The following FAM184A variants were observed in gnomAD, a reference collection of about 807,000 sequenced individuals.
FAM184A encodes protein FAM184A.
A neutral mutation model predicts 143.8 loss-of-function variants in FAM184A; 99 were observed. The observed-to-expected ratio is 0.69, with a 90% CI of 0.58 to 0.81. The LOEUF (loss-of-function observed/expected upper bound fraction) is 0.81, where lower values mean the gene tolerates loss of function less well. FAM184A is among the 40% of genes least tolerant of loss of function. The pLI is 0.00. For synonymous variants in FAM184A, 427 were observed against 446.4 expected (o/e 0.96, Z 0.55); for missense variants, 1,217 against 1,310.5 (o/e 0.93, Z 1.10).
intron 5 of FAM184A, among the ~76,000 whole-genome samples, chr6:119,012,546 C>T (rs1243280676): frequency 1.3e-5 from 2 of 152,222 alleles, no homozygotes; most frequent in Non-Finnish European, 2.9e-5. Flanking sequence ...ATACCTCCAG[C>T]AACCTGTGAC....
chr6:119,018,154 G>A (rs1785326236), intron 4 of FAM184A, among the ~76,000 whole-genome samples: 1 of 152,176 alleles, frequency 6.6e-6, no homozygotes, highest in South Asian at 2.1e-4. Flanking sequence ...TATATTAGAA[G>A]GATGCCTAAC....
intron 15 of FAM184A, 67 bp downstream of exon 15, chr6:118,966,768 T>C: frequency 4.3e-6 from 3 of 694,616 alleles, no homozygotes; most frequent in Non-Finnish European, 7.5e-6. Context: ...AAAAAGATTG[T>C]CCCATATTTT....
chr6:119,061,531 C>CCTTTT (rs1787243876), intron 1 of FAM184A, among the ~76,000 whole-genome samples: 2 of 58,530 alleles, frequency 3.4e-5, no homozygotes, highest in African/African-American at 1.5e-4. Flanking sequence ...AATTATTTTT[C>CCTTTT]TTTTTTTTTT....
At chr6:119,058,988 CTTATT>C (rs775242606) in intron 1 of FAM184A, among the ~76,000 whole-genome samples, 24 of 150,852 alleles carry the variant, frequency 1.6e-4, no homozygotes, top group Middle Eastern at 3.2e-3. Flanking sequence ...TATATTTTAT[CTTATT>C]TTGAGACAAG....
At position 118,960,137 on chromosome 6, in the gene FAM184A, C is replaced by T. The variant is rs1037553870; in HGVS notation, c.3389G>A (p.Arg1130His). ...GAAGTACCGGGCAAACCACTCCTGGCGCTGGGGATCTGGAGAAGCCACTGG... is the reference window on the plus strand; with the variant it reads ...GAAGTACCGGGCAAACCACTCCTGGTGCTGGGGATCTGGAGAAGCCACTGG... ...ASPVASPDPQ[R>H]QEWFARYFTF Residue 1130 changes from arginine (R) to histidine (H), a missense_variant, in exon 18 of 18, where the codon CGC becomes CAC. Transcript: ENST00000338891. 6.2e-6 allele frequency: 10 copies of T among 1,613,286 alleles called. No homozygotes were observed. Among genetic ancestry groups the T allele is most frequent in the South Asian group, 4.4e-5 (4 of 91,082 alleles).
intron 1 of FAM184A, among the ~76,000 whole-genome samples, chr6:119,046,957 G>C (rs1046479961): frequency 3.3e-5 from 5 of 152,058 alleles, no homozygotes; most frequent in Admixed American, 2.6e-4. Flanking sequence ...CCACAGAGTA[G>C]AAAATATTTG....
At chr6:119,016,029 CAAG>C (rs2114671087) in intron 5 of FAM184A, among the ~76,000 whole-genome samples, 1 of 152,282 alleles carries the variant, frequency 6.6e-6, no homozygotes, top group African/African-American at 2.4e-5. Context: ...GTGTTTAGCT[CAAG>C]GTTTGTGAGT....
At chr6:119,056,218 T>C (rs1411793206) in intron 1 of FAM184A, among the ~76,000 whole-genome samples, 2 of 152,204 alleles carry the variant, frequency 1.3e-5, no homozygotes, top group African/African-American at 2.4e-5. Context: ...AAATGTTCTA[T>C]TCTAAAAGAT....
At chr6:118,981,281 G>C (rs1393497320) in intron 9 of FAM184A, among the ~76,000 whole-genome samples, 2 of 152,108 alleles carry the variant, frequency 1.3e-5, no homozygotes, top group African/African-American at 2.4e-5. Context: ...CTCATACACA[G>C]GATATTGTAA....
chr6:119,020,432 T>G (rs1785404725), intron 3 of FAM184A, among the ~76,000 whole-genome samples: 2 of 152,174 alleles, frequency 1.3e-5, no homozygotes, highest in African/African-American at 4.8e-5. Flanking sequence ...TTTTTTGTTT[T>G]TGTTTTTGTT....
At chr6:119,035,231 T>C in intron 1 of FAM184A, among the ~76,000 whole-genome samples, 1 of 145,546 alleles carries the variant, frequency 6.9e-6, no homozygotes, top group South Asian at 2.1e-4. Context: ...ACTCCTCCTC[T>C]TGGCCAAGAG....
At chr6:119,101,625 A>T (rs1788639580) in intron 1 of FAM184A, among the ~76,000 whole-genome samples, 1 of 152,204 alleles carries the variant, frequency 6.6e-6, no homozygotes, top group Non-Finnish European at 1.5e-5. Context: ...GGGATGTAAC[A>T]TACTAATAAT....
At chr6:119,132,596 C>T (rs886544690) in intron 1 of FAM184A, among the ~76,000 whole-genome samples, 1 of 152,170 alleles carries the variant, frequency 6.6e-6, no homozygotes, top group East Asian at 1.9e-4. Flanking sequence ...TTTTAAAAAA[C>T]GTACTCATCT....
chr6:119,024,498 C>T lies in FAM184A; in HGVS notation c.475G>A (p.Glu159Lys), dbSNP rs780653028. 3.1e-6 allele frequency: 5 copies of T among 1,613,442 alleles called. No homozygotes were observed. The highest frequency in any genetic ancestry group is 1.6e-4 in the Middle Eastern group (1 of 6,084). Reference sequence around the variant, plus strand: ...TCTTCAAATTTCCTTCTAATCTCTTCGACTTCTCTAGACATGGTCACTATG... The same window carrying T: ...TCTTCAAATTTCCTTCTAATCTCTTTGACTTCTCTAGACATGGTCACTATG... ...QRIVTMSREV[E>K]EIRRKFEEKL... The change falls in exon 2 of 18, where the codon GAA becomes AAA. Residue 159 changes from glutamate (E) to lysine (K), a missense_variant. Coordinates refer to ENST00000338891, the MANE Select transcript of FAM184A (RefSeq NM_024581.6).
At chr6:119,084,593 A>G (rs901184692) in intron 1 of FAM184A, among the ~76,000 whole-genome samples, 3 of 152,170 alleles carry the variant, frequency 2.0e-5, no homozygotes, top group Admixed American at 2.0e-4. Flanking sequence ...TGGCTCTAAC[A>G]TTCTAAGGGC....
Position 118,979,370 on chromosome 6 carries a change from A to G in FAM184A, c.2450T>C (p.Met817Thr). 6.2e-7 allele frequency: 1 copy of G among 1,607,788 alleles called. No individual in the cohort carries two copies. The change falls in exon 11 of 18, where the codon ATG becomes ACG. Residue 817 changes from methionine (M) to threonine (T), a missense_variant. Transcript: ENST00000338891. Reference sequence around the variant, plus strand: ...TTGTAATCTTTTCAAAATACCAAGCATAGCCTTTCCTTCATCTTCTAATTC... The same window carrying G: ...TTGTAATCTTTTCAAAATACCAAGCGTAGCCTTTCCTTCATCTTCTAATTC... ...RFELEDEGKA[M>T]LASLRSELNH...
At chr6:118,973,834 C>T (rs1418828850) in intron 14 of FAM184A, among the ~76,000 whole-genome samples, 1 of 151,938 alleles carries the variant, frequency 6.6e-6, no homozygotes, top group African/African-American at 2.4e-5. Context: ...TATGTATGAG[C>T]GGTAACTTTA....
intron 2 of FAM184A, among the ~76,000 whole-genome samples, chr6:119,023,364 C>T (rs2357023): frequency 0.56 from 84,412 of 152,032 alleles, 24,474 homozygotes; most frequent in African/African-American, 0.63. Context: ...TGTGGACTTC[C>T]GGCATTTTTT....
intron 1 of FAM184A, among the ~76,000 whole-genome samples, chr6:119,123,358 T>C (rs1255495856): frequency 1.3e-5 from 2 of 152,018 alleles, no homozygotes; most frequent in African/African-American, 4.8e-5. Flanking sequence ...CACTGCACTC[T>C]ACCTTGGGCG....
Sources: gnomAD v4.1 joint callset for allele counts (sites outside exome capture counted in the v4.1 genomes callset) on GRCh38, gnomAD v4.1.1 for gene constraint, MANE v1.5 for transcripts, NCBI Gene and HGNC (gene_info 2026-07-23, HGNC 2026-07-21) for gene names.